Variants in TINAG observed in about 807,000 individuals in gnomAD.
TINAG encodes the protein tubulointerstitial nephritis antigen.
Under a neutral mutation model 72.7 loss-of-function variants are expected in TINAG, and 83 were observed. That is an observed-to-expected ratio of 1.14 (90% confidence interval 0.96 to 1.37). TINAG has a LOEUF of 1.37. TINAG is among the 40% of genes most tolerant of loss of function. TINAG has a pLI of 0.00. For synonymous variants in TINAG, 234 were observed against 189.9 expected (o/e 1.23, Z -1.91); for missense variants, 685 against 576.6 (o/e 1.19, Z -1.93).
chr6:54,355,716 TGTGTGTG>T (rs1003096260), intron 9 of TINAG, among the ~76,000 whole-genome samples: 5 of 113,588 alleles, frequency 4.4e-5, no homozygotes, highest in African/African-American at 2.4e-4. Context: ...AAATGTAACG[TGTGTGTG>T]TGTGTGTGTG....
chr6:54,366,180 A>G (rs1338976611), intron 9 of TINAG, among the ~76,000 whole-genome samples: 3 of 151,516 alleles, frequency 2.0e-5, no homozygotes, highest in Non-Finnish European at 3.0e-5. Context: ...GAGTGTTAAG[A>G]CAACTCTTCA....
chr6:54,369,185 G>C (rs1470005581), intron 9 of TINAG, among the ~76,000 whole-genome samples: 4 of 151,808 alleles, frequency 2.6e-5, no homozygotes, highest in African/African-American at 9.7e-5. Context: ...ACTTATGCTT[G>C]CTCCTCATGA....
In TINAG at chr6:54,380,526, A is replaced by G. The variant is rs756500599; in HGVS notation, c.1251A>G (p.Gly417=). 6.2e-7 allele frequency: 1 copy of G among 1,609,194 alleles called. No individual in the cohort carries two copies. The highest frequency in any genetic ancestry group is 8.5e-7 in the Non-Finnish European group (1 of 1,177,234). Residue 417 remains glycine (G), a splice_region_variant and synonymous_variant, in exon 10 of 11, where the codon GGA becomes GGG. Transcript: ENST00000259782. ...TCTTTATTATTGTTATTAATTGTAGATGGGGCACACTGAGAGGAGCACAAG... is the reference window on the plus strand; with the variant it reads ...TCTTTATTATTGTTATTAATTGTAGGTGGGGCACACTGAGAGGAGCACAAG... ...KLQTHAVKLT[G]WGTLRGAQGQ... is the part of the protein sequence containing the mutation.
intron 5 of TINAG, among the ~76,000 whole-genome samples, chr6:54,345,392 C>A (rs1785096593): frequency 1.3e-5 from 2 of 152,020 alleles, no homozygotes; most frequent in African/African-American, 4.8e-5. Flanking sequence ...TAAAGGTCAC[C>A]TTATTCAAGC....
chr6:54,323,733 C>A lies in TINAG; in HGVS notation c.509+2347C>A, dbSNP rs1378064735. 2.0e-5 allele frequency among the ~76,000 whole-genome samples: 3 copies of A among 152,158 alleles called. No individual in the cohort carries two copies. The East Asian group carries it at 5.8e-4, about 29-fold the overall frequency. On this transcript the variant is annotated intron_variant, in intron 3 of 10. Transcript: ENST00000259782. ...CTTTGGGAGGCCAAGACGAGCAGAT[C>A]ATTTGAGGTCAGGAGTTTGAGACCA...
chr6:54,339,955 T>G (rs140638555), intron 4 of TINAG, among the ~76,000 whole-genome samples: 132 of 152,264 alleles, frequency 8.7e-4, no homozygotes, highest in African/African-American at 3.0e-3. Context: ...CAGACTCAAT[T>G]GTAAGAATGT....
intron 7 of TINAG, among the ~76,000 whole-genome samples, chr6:54,350,862 C>A (rs1434750791): frequency 6.6e-6 from 1 of 151,584 alleles, no homozygotes; most frequent in Admixed American, 6.6e-5. Context: ...GGTGCAGGGT[C>A]AATATTTGTT....
intron 4 of TINAG, among the ~76,000 whole-genome samples, chr6:54,327,557 G>GTT (rs368218609): frequency 6.7e-6 from 1 of 150,090 alleles, no homozygotes; most frequent in African/African-American, 2.4e-5. Context: ...AGCTGCAGGA[G>GTT]TTTTTTTTTT....
At chr6:54,386,675 C>A (rs934915526) in intron 10 of TINAG, among the ~76,000 whole-genome samples, 18 of 151,758 alleles carry the variant, frequency 1.2e-4, no homozygotes, top group African/African-American at 4.4e-4. Context: ...ATTTGGTCCA[C>A]GAGCCATGGT....
chr6:54,326,214 T>A (rs1339973378), intron 3 of TINAG, among the ~76,000 whole-genome samples: 2 of 151,964 alleles, frequency 1.3e-5, no homozygotes, highest in African/African-American at 2.4e-5. Context: ...CAACTGATTT[T>A]TTATTATTAT....
At chr6:54,355,335 A>G (rs1255226172) in intron 9 of TINAG, among the ~76,000 whole-genome samples, 1 of 151,852 alleles carries the variant, frequency 6.6e-6, no homozygotes, top group Non-Finnish European at 1.5e-5. Flanking sequence ...CTCTTCTCAT[A>G]TTGCATATTA....
chr6:54,381,307 T>A (rs1235286116), intron 10 of TINAG, among the ~76,000 whole-genome samples: 1 of 151,820 alleles, frequency 6.6e-6, no homozygotes, highest in Non-Finnish European at 1.5e-5. Flanking sequence ...CCTCAAATAT[T>A]CGGTTTATTA....
Position 54,390,100 on chromosome 6 carries a change from G to A in TINAG, c.*175G>A. The A allele has an allele frequency of 1.2e-6, 1 of 819,430 alleles. No individual in the cohort carries two copies. The highest frequency in any genetic ancestry group is 1.8e-6 in the Non-Finnish European group (1 of 556,704). 50.8% of individuals were successfully genotyped at this position (819,430 alleles called of 1,614,324 possible). A position where few individuals can be genotyped will look rare whatever the true frequency, so the allele number is the denominator to read the frequency against. On this transcript the variant is annotated 3_prime_UTR_variant, in exon 11 of 11. Transcript: ENST00000259782. Reference sequence around the variant, plus strand: ...GCTTCTGCTTCCTTCATATTACTGAGCATTAACAACACCAATAAAGGACAG... The same window carrying A: ...GCTTCTGCTTCCTTCATATTACTGAACATTAACAACACCAATAAAGGACAG...
intron 1 of TINAG, among the ~76,000 whole-genome samples, chr6:54,318,618 T>A (rs1784423652): frequency 6.6e-6 from 1 of 152,056 alleles, no homozygotes; most frequent in African/African-American, 2.4e-5. Context: ...GCCTTATAGG[T>A]TACAGTAAGA....
At chr6:54,359,451 C>A (rs78769128) in intron 9 of TINAG, among the ~76,000 whole-genome samples, 1,694 of 151,914 alleles carry the variant, frequency 0.011, 32 homozygotes, top group African/African-American at 0.039. Flanking sequence ...TTTATTAGAA[C>A]TGACCATTTA....
At chr6:54,342,336 G>A (rs1303967716) in intron 4 of TINAG, among the ~76,000 whole-genome samples, 1 of 151,246 alleles carries the variant, frequency 6.6e-6, no homozygotes, top group East Asian at 1.9e-4. Flanking sequence ...ATTTTGCACC[G>A]TTGCTCTTTC....
rs9382327 is a variant in TINAG, at chr6:54,362,365, T to C, written c.1250+7729T>C. 8.8e-3 allele frequency among the ~76,000 whole-genome samples: 1,338 copies of C among 151,692 alleles called. 30 individuals are homozygous for C. The highest frequency in any genetic ancestry group is 0.052 in the East Asian group (267 of 5,126). On this transcript the variant is annotated intron_variant, in intron 9 of 10. Transcript: ENST00000259782. ...AGGGCCCTTAAGAGTTATGCTAAAT[T>C]AACTCTGCATGCATTCTAGAAGTGG...
At chr6:54,371,590 A>T (rs1763609684) in intron 9 of TINAG, among the ~76,000 whole-genome samples, 1 of 151,844 alleles carries the variant, frequency 6.6e-6, no homozygotes, top group Non-Finnish European at 1.5e-5. Flanking sequence ...TTTAATTTTG[A>T]CCTACCTTAC....
intron 1 of TINAG, among the ~76,000 whole-genome samples, chr6:54,310,041 C>T (rs369570599): frequency 6.7e-6 from 1 of 150,102 alleles, no homozygotes; most frequent in Non-Finnish European, 1.5e-5. Context: ...CACCTCCATC[C>T]TTCTCTCCCT....
Sources: allele counts gnomAD v4.1 joint callset (sites outside exome capture counted in the v4.1 genomes callset), GRCh38; gene constraint gnomAD v4.1.1; transcripts MANE v1.5; gene names NCBI Gene and HGNC (gene_info 2026-07-23, HGNC 2026-07-21).